EML2: variants seen among roughly 807,000 people sequenced by gnomAD.
EML2 encodes echinoderm microtubule-associated protein-like 2.
A neutral mutation model predicts 84.7 loss-of-function variants in EML2; 59 were observed. That is an observed-to-expected ratio of 0.70 (90% confidence interval 0.56 to 0.86). The LOEUF (loss-of-function observed/expected upper bound fraction) is 0.86, where lower values mean the gene tolerates loss of function less well. Ranked by LOEUF, EML2 falls within the 40% of genes least tolerant of loss-of-function variation. EML2 has a pLI of 0.00. For missense variants in EML2, 818 were observed against 855.6 expected, an observed-to-expected ratio of 0.96 and a Z score of 0.55; for synonymous variants, 352 against 348.9, an observed-to-expected ratio of 1.01 and a Z score of -0.10.
In EML2 at chr19:45,632,368, C is replaced by T. The variant is rs890292466; in HGVS notation, c.510+493G>A. 9.9e-5 allele frequency among the ~76,000 whole-genome samples: 15 copies of T among 151,582 alleles called. 1 individual carries two copies. The highest frequency in any genetic ancestry group is 2.9e-4 in the African/African-American group (12 of 41,226). ...ATTTTTGTACTGTTTTTGGTAGAGA[C>T]GGGCTTCACTACGTTGGCTAGGCTG... On this transcript the variant is annotated intron_variant, in intron 6 of 18. Coordinates refer to ENST00000245925, the MANE Select transcript of EML2 (RefSeq NM_012155.4).
At chr19:45,618,236 G>GTTT (rs1230205395) in intron 12 of EML2, among the ~76,000 whole-genome samples, 1 of 125,356 alleles carries the variant, frequency 8.0e-6, no homozygotes, top group Non-Finnish European at 1.7e-5. Flanking sequence ...GCTAATTTTT[G>GTTT]TTTTTTTTTT....
intron 6 of EML2, among the ~76,000 whole-genome samples, chr19:45,630,517 A>C (rs1020759708): frequency 4.9e-5 from 7 of 142,966 alleles, no homozygotes; most frequent in Non-Finnish European, 9.0e-5. Context: ...GCGCCATTGC[A>C]CTCCAGCCTG....
At chr19:45,637,659 TTTC>T (rs1568486633) in intron 3 of EML2, among the ~76,000 whole-genome samples, 1 of 86,984 alleles carries the variant, frequency 1.1e-5, no homozygotes, top group Non-Finnish European at 2.7e-5. Flanking sequence ...TTTTTTTCTT[TTTC>T]TTTTCTTTTT....
At chr19:45,632,785 G>T (rs1293652110) in intron 6 of EML2, 76 bp downstream of exon 6, 3 of 1,287,274 alleles carry the variant, frequency 2.3e-6, no homozygotes, top group South Asian at 1.3e-5. Flanking sequence ...CAACCCAAGG[G>T]GCGGGTGAAA....
At chr19:45,618,150 G>A (rs1353229887) in intron 12 of EML2, among the ~76,000 whole-genome samples, 3 of 151,636 alleles carry the variant, frequency 2.0e-5, no homozygotes, top group Admixed American at 6.6e-5. Flanking sequence ...TACAACCTCC[G>A]CCTCCTGGGT....
chr19:45,635,783 G>T (rs1002768772), intron 3 of EML2, among the ~76,000 whole-genome samples: 5 of 150,624 alleles, frequency 3.3e-5, no homozygotes, highest in Admixed American at 2.7e-4. Context: ...GTAGAGAAAG[G>T]GTTTCTCCAT....
At position 45,634,491 on chromosome 19, in the gene EML2, G is replaced by A. The variant is rs1340576452; in HGVS notation, c.180-20C>T. On this transcript the variant is annotated intron_variant, in intron 3 of 18. Coordinates refer to ENST00000245925, the MANE Select transcript of EML2 (RefSeq NM_012155.4). ...CCATAGCTGGAGCCACCCAGGGGCT[G>A]GTTAAGGAATGTGTTTTGTTGTTGT... 6.3e-7 allele frequency: 1 copy of A among 1,593,434 alleles called. No homozygotes were observed. Among genetic ancestry groups the A allele is most frequent in the Non-Finnish European group, 8.6e-7 (1 of 1,169,578 alleles).
At chr19:45,619,961 G>C (rs1166984732) in intron 11 of EML2, among the ~76,000 whole-genome samples, 1 of 152,050 alleles carries the variant, frequency 6.6e-6, no homozygotes, top group Non-Finnish European at 1.5e-5. Flanking sequence ...TGAGGCAGGA[G>C]GATCCCTTGA....
At position 45,626,260 on chromosome 19, in the gene EML2, C is replaced by T. The variant is rs553031918; in HGVS notation, c.741+445G>A. ...CTCCTGGGCTCAAGGGATCCTCCCC[C>T]CTCAGCCTCCCAAAATGCTGGGATT... On this transcript the variant is annotated intron_variant, in intron 8 of 18. Transcript: ENST00000245925. 1.1e-4 allele frequency among the ~76,000 whole-genome samples: 17 copies of T among 152,282 alleles called. 1 individual carries two copies. The South Asian group carries it at 2.7e-3, about 24-fold the overall frequency.
upstream of EML2, among the ~76,000 whole-genome samples, chr19:45,644,242 A>G (rs957934766): frequency 2.0e-5 from 3 of 152,102 alleles, no homozygotes; most frequent in Admixed American, 2.0e-4. Context: ...AGCATAATCC[A>G]TTTTAGGAGG....
chr19:45,613,657 C>T lies in EML2; in HGVS notation c.1708G>A (p.Gly570Arg), dbSNP rs766772992. The change falls in exon 18 of 19, where the codon GGG becomes AGG. Residue 570 changes from glycine to arginine, a missense_variant. Physicochemically the swap from Gly to Arg is moderately radical, Grantham distance 125. Coordinates refer to ENST00000245925, the MANE Select transcript of EML2 (RefSeq NM_012155.4). ...GCGTTGATATCAGTGCCGTCCGCCC[C>T]CTCAGACCAGATCCCTGTGGGCAAG... ...GFGVFGIWSE[G>R]ADGTDINAVA... 1.2e-6 allele frequency: 2 copies of T among 1,613,798 alleles called. No individual in the cohort carries two copies. Among genetic ancestry groups the T allele is most frequent in the South Asian group, 1.1e-5 (1 of 91,074 alleles).
Position 45,616,816 on chromosome 19 carries a change from CCA to C in EML2, c.1358_1359del (p.Val453GlyfsTer8), listed in dbSNP as rs1971137832. The C allele has an allele frequency of 6.2e-6, 10 of 1,613,264 alleles. No individual in the cohort carries two copies. Among genetic ancestry groups the C allele is most frequent in the Non-Finnish European group, 7.6e-6 (9 of 1,179,926 alleles). On this transcript the variant is annotated frameshift_variant, in exon 14 of 19. Transcript: ENST00000245925. LOFTEE classifies it high-confidence loss of function. ...LLLDTETHDL[V>X]AIHTDGNEQI... ...TGTTCATTGCCGTCTGTGTGGATAG[CCA>C]CCAGGTCATGGGTCTCCGTGTCCAG...
chr19:45,643,541 G>T, upstream of EML2: 1 of 1,535,450 alleles, frequency 6.5e-7, no homozygotes, highest in Non-Finnish European at 8.7e-7. Context: ...GGAGACCGAA[G>T]TGGCCCCTCT....
chr19:45,634,386 C>T lies in EML2; in HGVS notation c.265G>A (p.Val89Met), dbSNP rs546452876. The T allele has an allele frequency of 1.9e-5, 31 of 1,614,084 alleles. No individual in the cohort carries two copies. The highest frequency in any genetic ancestry group is 9.9e-5 in the South Asian group (9 of 91,084). The part of the protein sequence containing the change: ...EIVYFVASVA[V>M]LYSVEEQRQR... ...CTCTGCTCCTCCACGCTGTATAGCA[C>T]GGCTACGGAGGCCACAAAGTACACT... Residue 89 changes from valine to methionine, a missense_variant, in exon 4 of 19, where the codon GTG becomes ATG. Physicochemically the swap from Val to Met is conservative, Grantham distance 21. Transcript: ENST00000245925.
At chr19:45,632,837 G>A (rs374544148) in intron 6 of EML2, 24 bp downstream of exon 6, 227 of 1,600,888 alleles carry the variant, frequency 1.4e-4, no homozygotes, top group South Asian at 8.9e-4. Context: ...GAAGGGGCGG[G>A]GTTAGGGTGG....
At position 45,619,087 on chromosome 19, in the gene EML2, G is replaced by C; in HGVS notation, c.1227C>G (p.His409Gln). 6.2e-7 allele frequency: 1 copy of C among 1,613,394 alleles called. No individual in the cohort carries two copies. The highest frequency in any genetic ancestry group is 8.5e-7 in the Non-Finnish European group (1 of 1,179,646). ...CGATGATCCTGCTCCACAGGGGCTG[G>C]TGGGAATCTGAGCTCCATAGATGCA... Reference protein sequence around the residue: ...KLVHLWSSDSHQPLWSRIIED... With the variant: ...KLVHLWSSDSQQPLWSRIIED... The change falls in exon 12 of 19, where the codon CAC (histidine) becomes CAG (glutamine). Residue 409 changes from histidine to glutamine, a missense_variant. Transcript: ENST00000245925.
chr19:45,645,063 G>T, upstream of EML2: 1 of 616,596 alleles, frequency 1.6e-6, no homozygotes, highest in Non-Finnish European at 2.8e-6. Context: ...GCCACCTCGG[G>T]AGTACAGAAG....
rs775942850 is a variant in EML2 at position 45,626,828 on chromosome 19, C to T, written c.618G>A (p.Glu206=). 6.2e-7 allele frequency: 1 copy of T among 1,613,108 alleles called. No individual in the cohort carries two copies. Among genetic ancestry groups the T allele is most frequent in the Non-Finnish European group, 8.5e-7 (1 of 1,179,596 alleles). ...TKVVDVKCSN[E]AVLVATFHPT... ...GGTGGAAGGTGGCCACCAATACAGC[C>T]TCATTGGAGCACTTTGGGGGGTGGG... The change falls in exon 8 of 19, where the codon GAG becomes GAA. Residue 206 remains glutamate (E), a synonymous_variant. Coordinates refer to ENST00000245925, the MANE Select transcript of EML2 (RefSeq NM_012155.4).
chr19:45,639,441 C>CT (rs1974188874), upstream of EML2: 2 of 1,238,312 alleles, frequency 1.6e-6, no homozygotes, highest in Non-Finnish European at 2.0e-6. Flanking sequence ...GCTTCCGGCC[C>CT]TGGGAGGCGC....
Sources: gnomAD v4.1 joint callset for allele counts (sites outside exome capture counted in the v4.1 genomes callset) on GRCh38, gnomAD v4.1.1 for gene constraint, MANE v1.5 for transcripts, NCBI Gene and HGNC (gene_info 2026-07-23, HGNC 2026-07-21) for gene names.